NPRL3: variants seen among roughly 807,000 people sequenced by gnomAD.
The protein encoded by NPRL3 is GATOR1 complex protein NPRL3.
A neutral mutation model predicts 57.2 loss-of-function variants in NPRL3; 23 were observed. That is an observed-to-expected ratio of 0.40 (90% confidence interval 0.29 to 0.57). NPRL3 has a LOEUF of 0.57. Ranked by LOEUF, NPRL3 falls within the 20% of genes least tolerant of loss-of-function variation. NPRL3 has a pLI of 0.42. For missense variants in NPRL3, 691 were observed against 767.1 expected (o/e 0.90, Z 1.17); for synonymous variants, 333 against 321.1 (o/e 1.04, Z -0.39).
chr16:108,603 C>T (rs1345185932), intron 7 of NPRL3, among the ~76,000 whole-genome samples: 1 of 151,566 alleles, frequency 6.6e-6, no homozygotes, highest in African/African-American at 2.4e-5. Flanking sequence ...GCTCACTAGG[C>T]AGCCAAAAAA....
chr16:111,838 T>C (rs1304964598), intron 6 of NPRL3, among the ~76,000 whole-genome samples: 1 of 152,200 alleles, frequency 6.6e-6, no homozygotes, highest in Non-Finnish European at 1.5e-5. Flanking sequence ...TAATTTTACT[T>C]ATTGCTACAA....
intron 12 of NPRL3, chr16:89,298 C>T (rs1386223638): frequency 1.1e-5 from 3 of 265,846 alleles, no homozygotes; most frequent in African/African-American, 6.6e-5. Flanking sequence ...CCCCTTCCTT[C>T]CCCAAGCCTG....
chr16:106,315 C>T (rs548819407), intron 7 of NPRL3, among the ~76,000 whole-genome samples: 2 of 150,650 alleles, frequency 1.3e-5, no homozygotes, highest in East Asian at 2.0e-4. Context: ...CTCAAACAAA[C>T]AAATAAATAA....
chr16:100,366 ACTTAC>A lies in NPRL3; in HGVS notation c.767+1_767+5del. 6.6e-7 allele frequency: 1 copy of A among 1,525,228 alleles called. No homozygotes were observed. The highest frequency in any genetic ancestry group is 1.4e-5 in the African/African-American group (1 of 71,234). The allele number at this position is 1,525,228 out of a possible 1,614,324, so 94.5% of individuals were successfully genotyped here. ...AGGGAGTGAGCACGTGGGGCTGGGC[ACTTAC>A]CGGATGGCTTTCAGGCTCCGTTCGA... On this transcript the variant is annotated splice_donor_variant and splice_donor_5th_base_variant and intron_variant, in intron 8 of 13. Coordinates refer to ENST00000611875, the MANE Select transcript of NPRL3 (RefSeq NM_001077350.3). LOFTEE classifies it high-confidence loss of function.
intron 9 of NPRL3, among the ~76,000 whole-genome samples, chr16:96,137 G>A (rs1288058932): frequency 6.6e-6 from 1 of 152,234 alleles, no homozygotes; most frequent in Non-Finnish European, 1.5e-5. Flanking sequence ...CCAAAGCTTT[G>A]TCCAAGGAGA....
At chr16:117,511 T>C (rs1049278222) in intron 4 of NPRL3, 136 bp from the exon 5 acceptor site, 22 of 629,302 alleles carry the variant, frequency 3.5e-5, no homozygotes, top group Non-Finnish European at 6.1e-5. Flanking sequence ...ATGCCTTTGC[T>C]CTGGAGGCGT....
At chr16:135,187 G>C (rs1172151406) in intron 2 of NPRL3, among the ~76,000 whole-genome samples, 1 of 152,188 alleles carries the variant, frequency 6.6e-6, no homozygotes, top group East Asian at 1.9e-4. Context: ...AGAAAATTAT[G>C]TTGGCCCAAT....
At chr16:92,109 A>G (rs1160917138) in intron 11 of NPRL3, among the ~76,000 whole-genome samples, 1 of 152,158 alleles carries the variant, frequency 6.6e-6, no homozygotes, top group Non-Finnish European at 1.5e-5. Context: ...TCTGGGGACC[A>G]GTGACCCCAG....
intron 3 of NPRL3, among the ~76,000 whole-genome samples, chr16:124,498 GC>G (rs2141970225): frequency 6.6e-6 from 1 of 152,090 alleles, no homozygotes; most frequent in East Asian, 1.9e-4. Flanking sequence ...ACTGCACCCA[GC>G]CTAAAACTAA....
intron 7 of NPRL3, among the ~76,000 whole-genome samples, chr16:101,655 T>G (rs1280013083): frequency 1.3e-5 from 2 of 152,118 alleles, no homozygotes; most frequent in Non-Finnish European, 2.9e-5. Flanking sequence ...CCCAGAGCAC[T>G]GGCCCCTCTG....
At chr16:112,900 C>G in intron 5 of NPRL3, 125 bp from the exon 6 acceptor site, 2 of 935,014 alleles carry the variant, frequency 2.1e-6, no homozygotes, top group East Asian at 5.8e-5. Context: ...GTCTCTACTC[C>G]TTTCCCCCAG....
At position 88,906 on chromosome 16, in the gene NPRL3, G is replaced by C. The variant is rs1434508398; in HGVS notation, c.1352-16C>G. 20 of 1,599,440 alleles carry C rather than the reference G, an allele frequency of 1.3e-5. No homozygotes were observed. The highest frequency in any genetic ancestry group is 1.7e-5 in the Non-Finnish European group (20 of 1,168,186). ...TCGCTGCTGGCTGTGGGGGACATGG[G>C]TCAGGGTGACCAAGTGGAATTCCAG... On this transcript the variant is annotated splice_polypyrimidine_tract_variant and intron_variant, in intron 12 of 13. Transcript: ENST00000611875.
At chr16:91,474 C>T (rs1036919096) in intron 11 of NPRL3, among the ~76,000 whole-genome samples, 2 of 152,252 alleles carry the variant, frequency 1.3e-5, no homozygotes, top group African/African-American at 4.8e-5. Context: ...GGAGCAACCA[C>T]TCAGTCATGG....
At position 89,697 on chromosome 16, in the gene NPRL3, G is replaced by A. The variant is rs756787927; in HGVS notation, c.1351+16C>T. 31 of 1,548,244 alleles carry A rather than the reference G, an allele frequency of 2.0e-5. No homozygotes were observed. The highest frequency in any genetic ancestry group is 4.3e-4 in the Middle Eastern group (2 of 4,704). On this transcript the variant is annotated intron_variant, in intron 12 of 13. Transcript: ENST00000611875. ...CGTCTCCCCTGACTACCACAGCGGT[G>A]CCCTGGGGGTCCTACTTGGGGAGCC...
At chr16:120,608 T>G (rs1260919159) in intron 3 of NPRL3, among the ~76,000 whole-genome samples, 2 of 152,108 alleles carry the variant, frequency 1.3e-5, no homozygotes, top group Non-Finnish European at 2.9e-5. Flanking sequence ...ACAAACCACA[T>G]ACGAGGGTTT....
At chr16:127,844 T>C (rs147813176) in intron 3 of NPRL3, among the ~76,000 whole-genome samples, 6,462 of 151,326 alleles carry the variant, frequency 0.043, 294 homozygotes, top group African/African-American at 0.12. Flanking sequence ...TTAGTAGAGA[T>C]GGGGTTTCAC....
At chr16:127,723 T>A (rs1470325547) in intron 3 of NPRL3, among the ~76,000 whole-genome samples, 1 of 151,282 alleles carries the variant, frequency 6.6e-6, no homozygotes, top group Non-Finnish European at 1.5e-5. Context: ...GGCACAATCT[T>A]GGCTCACTGC....
rs1431558749 is a variant in NPRL3 at position 85,953 on chromosome 16, G to A, written c.*752C>T. The A allele has an allele frequency of 4.1e-6, 3 of 730,582 alleles. No homozygotes were observed. In the East Asian group the frequency reaches 9.6e-5, roughly 23 times the overall value. 45.3% of individuals were successfully genotyped at this position (730,582 alleles called of 1,614,324 possible). On this transcript the variant is annotated 3_prime_UTR_variant, in exon 14 of 14. Transcript: ENST00000611875. ...CTGAGTACGTAGCGCCAGGCCCGGT[G>A]TGGATGCTGGGGAGAATCATCAGTG... is the stretch of plus-strand genomic sequence containing the variant.
At chr16:109,610 G>A (rs543187908) in intron 7 of NPRL3, among the ~76,000 whole-genome samples, 2 of 152,302 alleles carry the variant, frequency 1.3e-5, no homozygotes, top group Admixed American at 1.3e-4. Context: ...GTCTGGAGGT[G>A]GTGGTTCCAG....
Sources: allele counts gnomAD v4.1 joint callset (sites outside exome capture counted in the v4.1 genomes callset), GRCh38; gene constraint gnomAD v4.1.1; transcripts MANE v1.5; gene names NCBI Gene and HGNC (gene_info 2026-07-23, HGNC 2026-07-21).